The following ZFHX3 variants were observed in gnomAD, a reference collection of about 807,000 sequenced individuals.
ZFHX3 encodes the protein zinc finger homeobox 3.
A neutral mutation model predicts 279.1 loss-of-function variants in ZFHX3; 42 were observed. The observed-to-expected ratio is 0.15, with a 90% CI of 0.12 to 0.19. The LOEUF (loss-of-function observed/expected upper bound fraction) is 0.19, where lower values mean the gene tolerates loss of function less well. ZFHX3 is among the 10% of genes least tolerant of loss of function. ZFHX3 has a pLI of 1.00. For missense variants in ZFHX3, 4,981 were observed against 4,754.0 expected (o/e 1.05, Z -1.40); for synonymous variants, 2,293 against 1,957.8 (o/e 1.17, Z -4.52).
At position 73,805,411 on chromosome 16, in the gene ZFHX3, C is replaced by T. The variant is rs139319549; in HGVS notation, c.-1608+86240G>A. Among the ~76,000 whole-genome samples the T allele has an allele frequency of 6.5e-3, 984 of 152,180 alleles. 10 individuals carry two copies. Among genetic ancestry groups the T allele is most frequent in the African/African-American group, 0.022 (918 of 41,518 alleles). ...CTTGAACTCCTGACTGCAGGTGATC[C>T]GCCTGCCTCTGCCTCCCAAAGTGCT... is the stretch of plus-strand genomic sequence containing the variant. On this transcript the variant is annotated intron_variant, in intron 1 of 17. Coordinates refer to the ZFHX3 transcript ENST00000641206.
intron 3 of ZFHX3, among the ~76,000 whole-genome samples, chr16:72,918,044 T>C (rs139001973): frequency 6.6e-6 from 1 of 152,298 alleles, no homozygotes; most frequent in East Asian, 1.9e-4. Flanking sequence ...TAACTGTCAG[T>C]TCCATGAGGG....
At chr16:73,485,420 G>C (rs141874577) in intron 2 of ZFHX3, among the ~76,000 whole-genome samples, 1,484 of 97,318 alleles carry the variant, frequency 0.015, 24 homozygotes, top group African/African-American at 0.064. Flanking sequence ...TTGAGGGTGA[G>C]GGAGAAAAAA....
chr16:73,253,763 G>A (rs932312469), intron 5 of ZFHX3, among the ~76,000 whole-genome samples: 2 of 152,032 alleles, frequency 1.3e-5, no homozygotes, highest in Non-Finnish European at 2.9e-5. Flanking sequence ...CCGGTTCTAC[G>A]ATTTTCTTTA....
chr16:73,557,269 A>G (rs972805399), intron 2 of ZFHX3, among the ~76,000 whole-genome samples: 1 of 152,110 alleles, frequency 6.6e-6, no homozygotes, highest in Admixed American at 6.5e-5. Flanking sequence ...TGAAAGGCCA[A>G]GGAGAGTAGC....
chr16:73,478,355 A>C (rs563897346), intron 2 of ZFHX3, among the ~76,000 whole-genome samples: 1 of 152,108 alleles, frequency 6.6e-6, no homozygotes, highest in African/African-American at 2.4e-5. Context: ...CCTCAGATTA[A>C]AAGTCTGATG....
At chr16:73,085,844 C>G (rs1318941595) in intron 8 of ZFHX3, among the ~76,000 whole-genome samples, 1 of 151,766 alleles carries the variant, frequency 6.6e-6, no homozygotes, top group Non-Finnish European at 1.5e-5. Context: ...TTACATTAAG[C>G]CAGGAAGCTT....
Position 73,656,819 on chromosome 16 carries a change from T to G in ZFHX3, c.-1547+23361A>C, listed in dbSNP as rs556964614. On this transcript the variant is annotated intron_variant, in intron 2 of 17. Coordinates refer to the ZFHX3 transcript ENST00000641206. ...TCAAGTTCTGATTACCCTTTTCTCA[T>G]TCTTTCTAAATTTCAAACATGATTT... 2.6e-5 allele frequency among the ~76,000 whole-genome samples: 4 copies of G among 152,330 alleles called. No homozygotes were observed. The South Asian group carries it at 8.3e-4, about 32-fold the overall frequency.
In ZFHX3 at chr16:73,565,063, G is replaced by T. The variant is rs143494842; in HGVS notation, c.-1546-108805C>A. Among the ~76,000 whole-genome samples the T allele has an allele frequency of 3.1e-3, 479 of 152,260 alleles. 2 individuals are homozygous for T. Among genetic ancestry groups the T allele is most frequent in the Middle Eastern group, 6.8e-3 (2 of 294 alleles). On this transcript the variant is annotated intron_variant, in intron 2 of 17. Coordinates refer to the ZFHX3 transcript ENST00000641206. Reference sequence around the variant, plus strand: ...AGGTCAAGAGATTGCGAAGAGCATGGCCAACATGGTGAAACCCCATCTCTA... The same window carrying T: ...AGGTCAAGAGATTGCGAAGAGCATGTCCAACATGGTGAAACCCCATCTCTA...
chr16:73,526,076 G>T (rs2019687010), intron 2 of ZFHX3, among the ~76,000 whole-genome samples: 1 of 152,216 alleles, frequency 6.6e-6, no homozygotes, highest in South Asian at 2.1e-4. Flanking sequence ...AAGCCAGCTT[G>T]GTCCCTGTCC....
At chr16:73,502,799 C>A (rs1420387816) in intron 2 of ZFHX3, among the ~76,000 whole-genome samples, 2 of 152,202 alleles carry the variant, frequency 1.3e-5, no homozygotes, top group Non-Finnish European at 1.5e-5. Context: ...CCCAAATATT[C>A]CAGTTCTTTC....
intron 4 of ZFHX3, among the ~76,000 whole-genome samples, chr16:73,286,160 C>A (rs543142035): frequency 6.6e-6 from 1 of 152,176 alleles, no homozygotes; most frequent in South Asian, 2.1e-4. Context: ...CCCTCTCTCT[C>A]TCTGTCTCTC....
At chr16:73,067,675 C>A (rs1230185482) in intron 8 of ZFHX3, among the ~76,000 whole-genome samples, 1 of 152,214 alleles carries the variant, frequency 6.6e-6, no homozygotes, top group Admixed American at 6.5e-5. Context: ...AAACTGCATT[C>A]ATCCCTTGTC....
chr16:73,337,894 G>GGGC (rs1555510890), intron 3 of ZFHX3, among the ~76,000 whole-genome samples: 3 of 143,342 alleles, frequency 2.1e-5, no homozygotes, highest in Admixed American at 6.9e-5. Flanking sequence ...TCCCTTGGCG[G>GGGC]GGGGGGGGGT....
At chr16:73,872,349 C>T (rs947005996) in intron 1 of ZFHX3, among the ~76,000 whole-genome samples, 1 of 152,138 alleles carries the variant, frequency 6.6e-6, no homozygotes, top group African/African-American at 2.4e-5. Context: ...TCTTAGCCTC[C>T]CCAGTAGCTG....
At chr16:73,368,118 G>A (rs1376706311) in intron 3 of ZFHX3, among the ~76,000 whole-genome samples, 4 of 152,096 alleles carry the variant, frequency 2.6e-5, no homozygotes, top group Non-Finnish European at 4.4e-5. Flanking sequence ...TGATCCACCC[G>A]CCTTGGCCTC....
At chr16:73,639,283 C>T (rs780971642) in intron 2 of ZFHX3, among the ~76,000 whole-genome samples, 3 of 152,124 alleles carry the variant, frequency 2.0e-5, no homozygotes, top group African/African-American at 7.2e-5. Flanking sequence ...AGATATATTG[C>T]ACTGGAGTAT....
chr16:73,729,313 G>C (rs907221040), intron 1 of ZFHX3, among the ~76,000 whole-genome samples: 2 of 152,196 alleles, frequency 1.3e-5, no homozygotes, highest in Non-Finnish European at 2.9e-5. Context: ...GATCATTTGA[G>C]GTAAGGAGTT....
chr16:73,753,227 G>A (rs16972469), intron 1 of ZFHX3, among the ~76,000 whole-genome samples: 13 of 152,060 alleles, frequency 8.5e-5, no homozygotes, highest in East Asian at 3.9e-4. Flanking sequence ...CTTGTGTTCC[G>A]GTCGTAACTC....
intron 4 of ZFHX3, among the ~76,000 whole-genome samples, chr16:73,303,303 C>T (rs2015101944): frequency 6.6e-6 from 1 of 152,118 alleles, no homozygotes; most frequent in Admixed American, 6.5e-5. Flanking sequence ...GTTGGAATTA[C>T]AGGTATGAGC....
Sources: gnomAD v4.1 joint callset for allele counts (sites outside exome capture counted in the v4.1 genomes callset) on GRCh38, gnomAD v4.1.1 for gene constraint, MANE v1.5 for transcripts, NCBI Gene and HGNC (gene_info 2026-07-23, HGNC 2026-07-21) for gene names.